The following RAPH1 variants were observed in gnomAD, a reference collection of about 807,000 sequenced individuals.
RAPH1 encodes Ras association (RalGDS/AF-6) and pleckstrin homology domains 1, also known as ras-associated and pleckstrin homology domains-containing protein 1.
RAPH1 carries 18 observed loss-of-function variants against 88.1 expected under a neutral mutation model. That is an observed-to-expected ratio of 0.20 (90% CI 0.14 to 0.30). The LOEUF (loss-of-function observed/expected upper bound fraction) is 0.30, where lower values mean the gene tolerates loss of function less well. RAPH1 is among the 10% of genes least tolerant of loss of function. The pLI, the probability that RAPH1 is intolerant of heterozygous loss-of-function variation, is 1.00. For missense variants in RAPH1, 1,448 were observed against 1,543.2 expected (o/e 0.94, Z 1.03); for synonymous variants, 587 against 559.0 (o/e 1.05, Z -0.71).
At chr2:203,471,411 A>C (rs1215085186) in intron 4 of RAPH1, among the ~76,000 whole-genome samples, 1 of 152,188 alleles carries the variant, frequency 6.6e-6, no homozygotes, top group East Asian at 1.9e-4. Flanking sequence ...CAGGAGTTTA[A>C]GACCAGCTTG....
chr2:203,488,588 T>TTAAAA (rs1553626729), intron 4 of RAPH1, among the ~76,000 whole-genome samples: 1 of 36,652 alleles, frequency 2.7e-5, no homozygotes, highest in Non-Finnish European at 4.7e-5. Context: ...CTCCGTCTAT[T>TTAAAA]AAAAAAAAAA....
chr2:203,533,756 C>A (rs187184093), intron 1 of RAPH1, among the ~76,000 whole-genome samples: 3 of 152,060 alleles, frequency 2.0e-5, no homozygotes, highest in African/African-American at 7.2e-5. Context: ...AAAAAAACCA[C>A]CCCGAGGAGG....
intron 1 of RAPH1, among the ~76,000 whole-genome samples, chr2:203,501,959 A>C (rs909139964): frequency 2.6e-5 from 4 of 152,170 alleles, no homozygotes; most frequent in Non-Finnish European, 5.9e-5. Flanking sequence ...CTCCCTGAGT[A>C]GCTGGGACGA....
intron 3 of RAPH1, among the ~76,000 whole-genome samples, chr2:203,490,669 C>T (rs897276861): frequency 1.3e-5 from 2 of 152,162 alleles, no homozygotes; most frequent in African/African-American, 2.4e-5. Flanking sequence ...ATTAATAAAA[C>T]CAACTATCTT....
chr2:203,522,763 A>G (rs1361005792), intron 1 of RAPH1, among the ~76,000 whole-genome samples: 2 of 151,832 alleles, frequency 1.3e-5, no homozygotes, highest in African/African-American at 4.8e-5. Context: ...TTAGCCGAGC[A>G]TGGTGGCGGG....
chr2:203,448,608 T>G lies in RAPH1; in HGVS notation c.1512+130A>C. The stretch of plus-strand genomic sequence containing the variant: ...AAAGACAACATTTAAAACTTGAAAC[T>G]TAGGCCTGAAAAACGTAGGCACTGG... On this transcript the variant is annotated intron_variant, in intron 11 of 13. Coordinates refer to ENST00000319170, the MANE Select transcript of RAPH1 (RefSeq NM_213589.3). The surrounding 1 kb of genome is among the most constrained non-coding windows in gnomAD (Gnocchi z 4.1). The G allele has an allele frequency of 1.9e-6, 1 of 532,366 alleles. No homozygotes were observed. The highest frequency in any genetic ancestry group is 3.8e-5 in the South Asian group (1 of 26,596). The allele number at this position is 532,366 out of a possible 1,614,324, so 33.0% of individuals were successfully genotyped here.
chr2:203,451,172 G>T (rs1456718809), intron 10 of RAPH1, among the ~76,000 whole-genome samples: 1 of 152,088 alleles, frequency 6.6e-6, no homozygotes, highest in Non-Finnish European at 1.5e-5. Flanking sequence ...TCTGCAGATT[G>T]TCTGTTCTGC....
Position 203,507,739 on chromosome 2 carries a change from A to G in RAPH1, c.1-12386T>C, listed in dbSNP as rs78680414. On this transcript the variant is annotated intron_variant, in intron 1 of 13. Transcript: ENST00000319170. ...TAAAGAGACATGACAACTAAATACA[A>G]TGCTTGAACCTGGACTGGATCTTAG... is the stretch of plus-strand genomic sequence containing the variant. Among the ~76,000 whole-genome samples the G allele has an allele frequency of 1.1e-3, 166 of 152,294 alleles. 4 individuals are homozygous for G. In the East Asian group the frequency reaches 0.029, roughly 26 times the overall value.
chr2:203,434,581 AAGT>A lies in RAPH1; in HGVS notation c.*4853_*4855del, dbSNP rs1208074885. 1.7e-4 allele frequency: 26 copies of A among 151,116 alleles called. No homozygotes were observed. Among genetic ancestry groups the A allele is most frequent in the Non-Finnish European group, 2.9e-4 (20 of 67,906 alleles). The allele number at this position is 151,116 out of a possible 1,614,324, so 9.4% of individuals were successfully genotyped here. ...TTACAAGTAGCAAAAAAAAAAAAAA[AAGT>A]AGGAGGTGGGGAAATAATATGAAAA... is the stretch of plus-strand genomic sequence containing the variant. On this transcript the variant is annotated 3_prime_UTR_variant, in exon 14 of 14. Coordinates refer to ENST00000319170, the MANE Select transcript of RAPH1 (RefSeq NM_213589.3).
chr2:203,516,203 G>A (rs1158513187), intron 1 of RAPH1, among the ~76,000 whole-genome samples: 1 of 152,088 alleles, frequency 6.6e-6, no homozygotes, highest in Non-Finnish European at 1.5e-5. Context: ...ATTTCAATTA[G>A]TTGTATATGT....
At chr2:203,513,978 G>A (rs538926787) in intron 1 of RAPH1, among the ~76,000 whole-genome samples, 3 of 152,082 alleles carry the variant, frequency 2.0e-5, no homozygotes, top group South Asian at 4.2e-4. Context: ...CAGAGTGGCT[G>A]GGATTACAGG....
chr2:203,531,212 A>C (rs1690374510), intron 1 of RAPH1, among the ~76,000 whole-genome samples: 1 of 152,204 alleles, frequency 6.6e-6, no homozygotes, highest in African/African-American at 2.4e-5. Context: ...GACAGAAGAA[A>C]AAATAAATTG....
chr2:203,458,804 C>T (rs1286540001), intron 7 of RAPH1, among the ~76,000 whole-genome samples: 1 of 151,904 alleles, frequency 6.6e-6, no homozygotes, highest in Non-Finnish European at 1.5e-5. Flanking sequence ...TCACTGTCAC[C>T]CAGGCTGGAG....
At position 203,433,968 on chromosome 2, in the gene RAPH1, A is replaced by G. The variant is rs1038798263; in HGVS notation, c.*5469T>C. 1 of 152,474 alleles carries G rather than the reference A, an allele frequency of 6.6e-6. No individual in the cohort carries two copies. Among genetic ancestry groups the G allele is most frequent in the African/African-American group, 2.4e-5 (1 of 41,392 alleles). The allele number at this position is 152,474 out of a possible 1,614,324, so 9.4% of individuals were successfully genotyped here. On this transcript the variant is annotated 3_prime_UTR_variant, in exon 14 of 14. Coordinates refer to ENST00000319170, the MANE Select transcript of RAPH1 (RefSeq NM_213589.3). Reference sequence around the variant, plus strand: ...ATAACTGGCAAGAGTAACTTGGAAAATAACTTAATCCAGCAGAACAAAAAC... The same window carrying G: ...ATAACTGGCAAGAGTAACTTGGAAAGTAACTTAATCCAGCAGAACAAAAAC...
Position 203,496,895 on chromosome 2 carries a change from G to C in RAPH1, c.1-1542C>G, listed in dbSNP as rs188335377. On this transcript the variant is annotated intron_variant, in intron 1 of 13. Coordinates refer to ENST00000319170, the MANE Select transcript of RAPH1 (RefSeq NM_213589.3). ...AGATCTAGGCAATATTTGGAATATA[G>C]CCTGTCAGCTGGTTTAAGCAATTCC... Among the ~76,000 whole-genome samples, 108 of 152,220 alleles carry C rather than the reference G, an allele frequency of 7.1e-4. 1 individual carries two copies. In the East Asian group the frequency reaches 0.019, roughly 27 times the overall value.
chr2:203,510,335 CAAAAAAAAAAA>C (rs33911103), intron 1 of RAPH1, among the ~76,000 whole-genome samples: 1 of 38,096 alleles, frequency 2.6e-5, no homozygotes, highest in African/African-American at 1.1e-4. Flanking sequence ...AACTCCATCT[CAAAAAAAAAAA>C]AAAAAAAAAA....
intron 4 of RAPH1, among the ~76,000 whole-genome samples, chr2:203,462,366 A>C (rs2098524807): frequency 6.6e-6 from 1 of 152,240 alleles, no homozygotes. Flanking sequence ...TGTTACACTG[A>C]AAGTATACCA....
At chr2:203,457,465 T>G in intron 8 of RAPH1, 65 bp downstream of exon 8, 1 of 1,329,404 alleles carries the variant, frequency 7.5e-7, no homozygotes, top group Non-Finnish European at 1.1e-6. Context: ...ATTGCAGGCG[T>G]GAGCCACCAT....
At chr2:203,441,647 A>T (rs2153633721) in intron 13 of RAPH1, 1 of 1,329,682 alleles carries the variant, frequency 7.5e-7, no homozygotes, top group South Asian at 2.2e-5. Context: ...AAATAGCTAG[A>T]CCATCTAACA....
Sources: allele counts gnomAD v4.1 joint callset (sites outside exome capture counted in the v4.1 genomes callset), GRCh38; gene constraint gnomAD v4.1.1; non-coding constraint Gnocchi (gnomAD v3.1); transcripts MANE v1.5; gene names NCBI Gene and HGNC (gene_info 2026-07-23, HGNC 2026-07-21).